The following ARMH3 variants were observed in gnomAD, a reference collection of about 807,000 sequenced individuals.
ARMH3 encodes armadillo-like helical domain-containing protein 3.
In ARMH3, 60 loss-of-function variants were observed where a neutral mutation model predicts 99.1. The ratio of observed to expected loss-of-function variants is 0.61; its 90% CI spans 0.49 to 0.75. ARMH3 has a LOEUF of 0.75. ARMH3 is among the 30% of genes least tolerant of loss of function. The pLI, the probability that ARMH3 is intolerant of heterozygous loss-of-function variation, is 0.00. For missense variants in ARMH3, 679 were observed against 843.1 expected, an observed-to-expected ratio of 0.81 and a Z score of 2.41; for synonymous variants, 285 against 292.8, an observed-to-expected ratio of 0.97 and a Z score of 0.27.
chr10:101,854,728 A>G (rs2066691750), intron 24 of ARMH3, among the ~76,000 whole-genome samples: 3 of 152,174 alleles, frequency 2.0e-5, no homozygotes, highest in African/African-American at 7.2e-5. Context: ...TTTAGTTCCC[A>G]GTCAACCACT....
At chr10:102,041,891 G>T (rs552670236) in intron 1 of ARMH3, among the ~76,000 whole-genome samples, 1 of 151,956 alleles carries the variant, frequency 6.6e-6, no homozygotes. Context: ...CTCATGATCC[G>T]CCTGCCTCGG....
chr10:102,025,761 CACCTCAGCCTCCTGA>C (rs2136178452), intron 5 of ARMH3, among the ~76,000 whole-genome samples: 1 of 152,198 alleles, frequency 6.6e-6, no homozygotes, highest in East Asian at 1.9e-4. Flanking sequence ...GTCATCCTCC[CACCTCAGCCTCCTGA>C]ATAGCTAGGA....
In ARMH3 at chr10:101,849,834, A is replaced by C. The variant is rs746775067; in HGVS notation, c.1919T>G (p.Leu640Arg). The change falls in exon 25 of 26, where the codon CTG becomes CGG. Residue 640 changes from leucine (L) to arginine (R), a missense_variant. Physicochemically the swap from Leu to Arg is moderately radical, Grantham distance 102. Coordinates refer to ENST00000370033, the MANE Select transcript of ARMH3 (RefSeq NM_024541.3). ...CTCTGAGTAGCGCTCATACTGGTCCAGGCCATCCTGCAGCTTCAGCGTGAG... is the reference window on the plus strand; with the variant it reads ...CTCTGAGTAGCGCTCATACTGGTCCCGGCCATCCTGCAGCTTCAGCGTGAG... The part of the protein sequence containing the change: ...DTLTLKLQDG[L>R]DQYERYSEQH... The C allele has an allele frequency of 6.2e-7, 1 of 1,614,188 alleles. No individual in the cohort carries two copies. Among genetic ancestry groups the C allele is most frequent in the South Asian group, 1.1e-5 (1 of 91,086 alleles).
chr10:102,000,896 A>G (rs1418327678), intron 15 of ARMH3, among the ~76,000 whole-genome samples: 3 of 151,894 alleles, frequency 2.0e-5, no homozygotes, highest in African/African-American at 7.3e-5. Context: ...AACTCTCTAC[A>G]ACCTCCACCT....
At chr10:101,966,673 T>TA (rs1213852999) in intron 20 of ARMH3, among the ~76,000 whole-genome samples, 1 of 152,160 alleles carries the variant, frequency 6.6e-6, no homozygotes, top group Non-Finnish European at 1.5e-5. Flanking sequence ...TTCCTAGCAT[T>TA]AATACACAAT....
chr10:101,935,267 G>C (rs991163717), intron 23 of ARMH3, among the ~76,000 whole-genome samples: 6 of 150,502 alleles, frequency 4.0e-5, no homozygotes, highest in African/African-American at 7.3e-5. Flanking sequence ...GGCCCTGTTT[G>C]TGTTCCAATA....
In ARMH3 at chr10:102,015,595, G is replaced by A. The variant is rs1367054487; in HGVS notation, c.670-1571C>T. Among the ~76,000 whole-genome samples, 6 of 152,166 alleles carry A rather than the reference G, an allele frequency of 3.9e-5. No individual in the cohort carries two copies. The South Asian group carries it at 1.0e-3, about 26-fold the overall frequency. On this transcript the variant is annotated intron_variant, in intron 8 of 25. Coordinates refer to ENST00000370033, the MANE Select transcript of ARMH3 (RefSeq NM_024541.3). ...AGTAGAGACAGGGTTTCTCCATGTTGGTCAGGCTGGTCTCAAACTCCTGAC... is the reference window on the plus strand; with the variant it reads ...AGTAGAGACAGGGTTTCTCCATGTTAGTCAGGCTGGTCTCAAACTCCTGAC...
chr10:101,956,999 T>C (rs949603745), intron 21 of ARMH3, among the ~76,000 whole-genome samples: 4 of 152,240 alleles, frequency 2.6e-5, no homozygotes, highest in African/African-American at 7.2e-5. Flanking sequence ...TCTGGAGATT[T>C]ATAACTATTA....
At chr10:102,027,724 C>A (rs2067031595) in intron 5 of ARMH3, among the ~76,000 whole-genome samples, 1 of 151,854 alleles carries the variant, frequency 6.6e-6, no homozygotes, top group South Asian at 2.1e-4. Context: ...GGGATTTTAC[C>A]ATGACATATA....
chr10:101,849,705 C>A, intron 25 of ARMH3, 71 bp downstream of exon 25: 1 of 1,295,108 alleles, frequency 7.7e-7, no homozygotes, highest in Admixed American at 1.9e-5. Context: ...AGATAAACTG[C>A]AGATAAACTG....
At position 101,893,388 on chromosome 10, in the gene ARMH3, A is replaced by AT. The variant is rs776541637; in HGVS notation, c.1782-3899dup. On this transcript the variant is annotated intron_variant, in intron 23 of 25. Coordinates refer to ENST00000370033, the MANE Select transcript of ARMH3 (RefSeq NM_024541.3). ...AGGCTTTCCTTACATTTCTTAGGAA[A>AT]TTTTTTTTTTAAATTCCTGTCTCAA... Among the ~76,000 whole-genome samples, 86 of 150,506 alleles carry AT rather than the reference A, an allele frequency of 5.7e-4. 2 individuals carry two copies. The highest frequency in any genetic ancestry group is 1.7e-3 in the African/African-American group (69 of 41,064).
chr10:101,916,132 C>T (rs1219562231), intron 23 of ARMH3, among the ~76,000 whole-genome samples: 5 of 151,936 alleles, frequency 3.3e-5, no homozygotes, highest in African/African-American at 1.2e-4. Context: ...CACAGTTCAA[C>T]AGTAGTAGGG....
chr10:102,031,064 G>C (rs371704557), intron 4 of ARMH3, among the ~76,000 whole-genome samples: 2 of 152,100 alleles, frequency 1.3e-5, no homozygotes, highest in African/African-American at 4.8e-5. Flanking sequence ...GATTACAGGC[G>C]TGAGCCACCA....
Position 101,990,554 on chromosome 10 carries a change from T to A in ARMH3, c.1403A>T (p.Tyr468Phe). ...ATGTGTACATATTTGTACTTACATA[T>A]AGAGATCCATAGGAAACTCCTTCAT... ...HMMKEFPMDLYIRCIQVVHKL... is the reference protein window; with the variant it reads ...HMMKEFPMDLFIRCIQVVHKL... The change falls in exon 19 of 26, where the codon TAT (tyrosine) becomes TTT (phenylalanine). Residue 468 changes from tyrosine to phenylalanine, a missense_variant. Transcript: ENST00000370033. 2 of 1,577,376 alleles carry A rather than the reference T, an allele frequency of 1.3e-6. No individual in the cohort carries two copies. The highest frequency in any genetic ancestry group is 1.7e-4 in the Middle Eastern group (1 of 5,982).
At chr10:102,004,289 A>C (rs541188905) in intron 14 of ARMH3, among the ~76,000 whole-genome samples, 3 of 152,368 alleles carry the variant, frequency 2.0e-5, no homozygotes, top group Admixed American at 6.5e-5. Flanking sequence ...TGTAATACTT[A>C]GGAACCCTAC....
At chr10:102,026,991 T>C (rs1197449669) in intron 5 of ARMH3, among the ~76,000 whole-genome samples, 2 of 152,068 alleles carry the variant, frequency 1.3e-5, no homozygotes, top group African/African-American at 2.4e-5. Flanking sequence ...GTCAAAAGAA[T>C]GAATGGGCTG....
At chr10:101,953,184 CAGTGGTACA>C (rs1844873771) in intron 22 of ARMH3, among the ~76,000 whole-genome samples, 1 of 152,152 alleles carries the variant, frequency 6.6e-6, no homozygotes, top group African/African-American at 2.4e-5. Flanking sequence ...GGCTGGAGTG[CAGTGGTACA>C]ATCTCAGCTC....
chr10:101,995,320 T>C lies in ARMH3; in HGVS notation c.1186A>G (p.Ile396Val), dbSNP rs1401092749. ...ACCTCTGCAATACATGTAAGGATAA[T>C]CAGACAGAGTTTGCCACTGTGAAGC... is the stretch of plus-strand genomic sequence containing the variant. ...HRLHSGKLCLIILTCIAEDQY... is the reference protein window; with the variant it reads ...HRLHSGKLCLVILTCIAEDQY... The change falls in exon 16 of 26, where the codon ATT becomes GTT. Residue 396 changes from isoleucine to valine, a missense_variant. Physicochemically the swap from Ile to Val is conservative, Grantham distance 29. Coordinates refer to ENST00000370033, the MANE Select transcript of ARMH3 (RefSeq NM_024541.3). The C allele has an allele frequency of 1.2e-6, 2 of 1,613,930 alleles. No homozygotes were observed. The highest frequency in any genetic ancestry group is 1.1e-5 in the South Asian group (1 of 91,074).
chr10:102,032,601 T>C (rs901350749), intron 4 of ARMH3, among the ~76,000 whole-genome samples: 2 of 152,146 alleles, frequency 1.3e-5, no homozygotes, highest in Non-Finnish European at 2.9e-5. Context: ...GGTTTCACCA[T>C]GTTGGTCAGG....
Sources: gnomAD v4.1 joint callset for allele counts (sites outside exome capture counted in the v4.1 genomes callset) on GRCh38, gnomAD v4.1.1 for gene constraint, MANE v1.5 for transcripts, NCBI Gene and HGNC (gene_info 2026-07-23, HGNC 2026-07-21) for gene names.